Variants in FBXW7 observed in about 807,000 individuals in gnomAD.
The protein encoded by FBXW7 is F-box/WD repeat-containing protein 7.
In FBXW7, 11 loss-of-function variants were observed where a neutral mutation model predicts 86.3. The observed-to-expected ratio is 0.13, with a 90% CI of 0.08 to 0.21. FBXW7 has a LOEUF of 0.21. FBXW7 is among the 10% of genes least tolerant of loss of function. The probability of loss-of-function intolerance (pLI) is 1.00; values close to 1 mark genes in which losing one functional copy is unlikely to be tolerated. For synonymous variants in FBXW7, 313 were observed against 297.9 expected, an observed-to-expected ratio of 1.05 and a Z score of -0.52; for missense variants, 488 against 847.4, an observed-to-expected ratio of 0.58 and a Z score of 5.27.
chr4:152,463,391 T>G (rs1560929472), intron 2 of FBXW7, among the ~76,000 whole-genome samples: 1 of 152,046 alleles, frequency 6.6e-6, no homozygotes, highest in Non-Finnish European at 1.5e-5. Context: ...CATAAGGAAA[T>G]CACAATCTCT....
intron 13 of FBXW7, chr4:152,323,971 T>C (rs1164454513): frequency 2.6e-5 from 14 of 531,402 alleles, no homozygotes; most frequent in Non-Finnish European, 4.7e-5. Flanking sequence ...CAGGAAGTGA[T>C]TAAACAATTT....
At chr4:152,349,627 A>G (rs1731610976) in intron 5 of FBXW7, among the ~76,000 whole-genome samples, 1 of 151,926 alleles carries the variant, frequency 6.6e-6, no homozygotes, top group Admixed American at 6.6e-5. Context: ...ATTTCATGAA[A>G]TAAGATTGAG....
At chr4:152,502,021 G>A (rs1427525156) in intron 2 of FBXW7, among the ~76,000 whole-genome samples, 1 of 152,050 alleles carries the variant, frequency 6.6e-6, no homozygotes, top group African/African-American at 2.4e-5. Flanking sequence ...AGTCCCCTTG[G>A]TACTGTTCCT....
intron 2 of FBXW7, among the ~76,000 whole-genome samples, chr4:152,521,283 GAC>G (rs1322144342): frequency 1.3e-5 from 2 of 152,012 alleles, no homozygotes; most frequent in Non-Finnish European, 2.9e-5. Context: ...TATTAATCAG[GAC>G]ACACTTCCTA....
chr4:152,330,305 T>G (rs527269194), intron 9 of FBXW7, among the ~76,000 whole-genome samples: 146 of 152,002 alleles, frequency 9.6e-4, no homozygotes, highest in African/African-American at 3.3e-3. Context: ...ATTTGAAATG[T>G]TATTAGACAG....
chr4:152,445,922 A>C (rs1199812912), intron 2 of FBXW7, among the ~76,000 whole-genome samples: 1 of 54,856 alleles, frequency 1.8e-5, no homozygotes, highest in Non-Finnish European at 3.0e-5. Flanking sequence ...AAAAAAAAAA[A>C]AAAAAAAAAA....
chr4:152,337,536 T>C (rs1254013754), intron 7 of FBXW7: 1 of 268,480 alleles, frequency 3.7e-6, no homozygotes, highest in Non-Finnish European at 6.9e-6. Flanking sequence ...AATAATCAAA[T>C]TAGTGAAACT....
chr4:152,514,724 C>G (rs1233358170), intron 2 of FBXW7, among the ~76,000 whole-genome samples: 1 of 152,326 alleles, frequency 6.6e-6, no homozygotes, highest in East Asian at 1.9e-4. Flanking sequence ...CCCCTTCACT[C>G]TCTGCCATGA....
intron 2 of FBXW7, among the ~76,000 whole-genome samples, chr4:152,435,737 A>G (rs2126964627): frequency 6.6e-6 from 1 of 152,270 alleles, no homozygotes; most frequent in East Asian, 1.9e-4. Flanking sequence ...CAAATAGTAT[A>G]TTTTTTTAAA....
intron 2 of FBXW7, among the ~76,000 whole-genome samples, chr4:152,418,234 T>C (rs975287333): frequency 6.6e-6 from 1 of 151,606 alleles, no homozygotes. Flanking sequence ...AAGAAAACAG[T>C]AGGCTACAGT....
At chr4:152,359,506 G>A (rs1331770022) in intron 4 of FBXW7, among the ~76,000 whole-genome samples, 1 of 152,074 alleles carries the variant, frequency 6.6e-6, no homozygotes, top group Non-Finnish European at 1.5e-5. Context: ...GAGAGGCTGG[G>A]GCAGGAGGAT....
At chr4:152,332,764 T>C in intron 7 of FBXW7, 45 bp from the exon 8 acceptor site, 1 of 875,634 alleles carries the variant, frequency 1.1e-6, no homozygotes, top group Non-Finnish European at 1.5e-6. Context: ...TAAATAAATA[T>C]ATATATTATA....
chr4:152,488,376 C>T (rs1433008369), intron 2 of FBXW7, among the ~76,000 whole-genome samples: 1 of 152,058 alleles, frequency 6.6e-6, no homozygotes, highest in Non-Finnish European at 1.5e-5. Context: ...TTTCACTTCA[C>T]TTGTCTAACA....
intron 6 of FBXW7, among the ~76,000 whole-genome samples, chr4:152,341,116 C>T (rs764208799): frequency 4.1e-4 from 62 of 152,208 alleles, no homozygotes; most frequent in Non-Finnish European, 6.9e-4. Flanking sequence ...ACCTTCGGCT[C>T]TTCGTTCTAT....
At chr4:152,450,241 A>G (rs1355020343) in intron 2 of FBXW7, among the ~76,000 whole-genome samples, 1 of 152,224 alleles carries the variant, frequency 6.6e-6, no homozygotes, top group Non-Finnish European at 1.5e-5. Context: ...ATGGTAACAA[A>G]CAAGAAAAAT....
At chr4:152,328,747 G>GATT (rs1469150949) in intron 10 of FBXW7, 7 of 160,004 alleles carry the variant, frequency 4.4e-5, no homozygotes, top group African/African-American at 1.7e-4. Flanking sequence ...CATGGGAATA[G>GATT]ATTCAATGAA....
intron 2 of FBXW7, among the ~76,000 whole-genome samples, chr4:152,517,455 T>C (rs780417236): frequency 6.6e-6 from 1 of 152,244 alleles, no homozygotes; most frequent in Non-Finnish European, 1.5e-5. Flanking sequence ...ATGGCTCTTA[T>C]TGTGTGCCAG....
intron 4 of FBXW7, among the ~76,000 whole-genome samples, chr4:152,405,618 C>T (rs747016202): frequency 1.5e-4 from 23 of 152,294 alleles, no homozygotes; most frequent in South Asian, 8.3e-4. Flanking sequence ...TTGTCAAGGA[C>T]GTGGCGTTAT....
rs1252953112 is a variant in FBXW7 at position 152,352,554 on chromosome 4, C to G, written c.502-2430G>C. On this transcript the variant is annotated intron_variant, in intron 4 of 13. Transcript: ENST00000281708. ...TCAGTGATTCTGTGCCCCCGTGTGT[C>G]CGGCTGCTTGGCAGTCTCTGACAAT... 20 of 1,613,792 alleles carry G rather than the reference C, an allele frequency of 1.2e-5. No homozygotes were observed. The Admixed American group carries it at 3.2e-4, about 26-fold the overall frequency.
Sources: allele counts gnomAD v4.1 joint callset (sites outside exome capture counted in the v4.1 genomes callset), GRCh38; gene constraint gnomAD v4.1.1; transcripts MANE v1.5; gene names NCBI Gene and HGNC (gene_info 2026-07-23, HGNC 2026-07-21).